CRB3: variants seen among roughly 807,000 people sequenced by gnomAD.
CRB3 encodes crumbs cell polarity complex component 3, also known as protein crumbs homolog 3.
CRB3 carries 4 observed loss-of-function variants against 10.4 expected under a neutral mutation model. That is an observed-to-expected ratio of 0.39 (90% CI 0.19 to 0.88). The LOEUF is 0.88. Among genes scored for constraint, CRB3 ranks in the 40% least tolerant of loss-of-function variants. The pLI is 0.39. For missense variants in CRB3, 154 were observed against 160.2 expected (o/e 0.96, Z 0.21); for synonymous variants, 74 against 73.4 (o/e 1.01, Z -0.04).
upstream of CRB3, chr19:6,463,984 G>A (rs949971248): frequency 6.6e-6 from 1 of 152,180 alleles, no homozygotes; most frequent in African/African-American, 2.4e-5. Flanking sequence ...TAGTGCACGG[G>A]TACATACATA....
Position 6,464,868 on chromosome 19 carries a change from C to T in CRB3, c.82+85C>T. The stretch of plus-strand genomic sequence containing the variant: ...GACGTGGCTTAGAAGCGCTGGGTAT[C>T]TGGGGCGCAGAGAGGGTCAAGAATT... On this transcript the variant is annotated intron_variant, in intron 2 of 3. Coordinates refer to ENST00000600229, the MANE Select transcript of CRB3 (RefSeq NM_139161.5). This position sits in a 1 kb window ranked among gnomAD's most constrained non-coding sequence, Gnocchi z 5.3. 2.6e-6 allele frequency: 2 copies of T among 783,122 alleles called. No homozygotes were observed. Among genetic ancestry groups the T allele is most frequent in the Non-Finnish European group, 3.5e-6 (2 of 576,526 alleles). The allele number at this position is 783,122 out of a possible 1,614,324, so 48.5% of individuals were successfully genotyped here. A position where few individuals can be genotyped will look rare whatever the true frequency, so the allele number is the denominator to read the frequency against.
Position 6,466,581 on chromosome 19 carries a change from G to A in CRB3, c.272G>A (p.Gly91Asp). 1 of 1,609,838 alleles carries A rather than the reference G, an allele frequency of 6.2e-7. No individual in the cohort carries two copies. The highest frequency in any genetic ancestry group is 8.5e-7 in the Non-Finnish European group (1 of 1,180,008). Residue 91 changes from glycine (G) to aspartate (D), a missense_variant, in exon 4 of 4, where the codon GGC (glycine) becomes GAC (aspartate). By Grantham distance (94) the Gly-to-Asp change is moderately conservative. Transcript: ENST00000600229. The surrounding 1 kb of genome is among the most constrained non-coding windows in gnomAD (Gnocchi z 4.9). ...RKLREKRQTEGTYRPSSEEQV... is the reference protein window; with the variant it reads ...RKLREKRQTEDTYRPSSEEQV... ...CTTCGGGAGAAGCGGCAGACGGAGG[G>A]CACCTACCGGCCCAGTAGCGAGGAG...
rs2046979563 is a variant in CRB3, at chr19:6,466,845, G to A, written c.*173G>A. On this transcript the variant is annotated 3_prime_UTR_variant, in exon 4 of 4. Coordinates refer to ENST00000600229, the MANE Select transcript of CRB3 (RefSeq NM_139161.5). This position sits in a 1 kb window ranked among gnomAD's most constrained non-coding sequence, Gnocchi z 4.9. The stretch of plus-strand genomic sequence containing the variant: ...CAGCATGTTGCCTCTGCTTGGCTGT[G>A]CCTGCAGCTCAGGGTGCTGGGGCTC... 1 of 1,561,318 alleles carries A rather than the reference G, an allele frequency of 6.4e-7. No homozygotes were observed. Among genetic ancestry groups the A allele is most frequent in the Admixed American group, 1.8e-5 (1 of 54,438 alleles).
Position 6,466,471 on chromosome 19 carries a change from A to G in CRB3, c.162A>G (p.Pro54=), listed in dbSNP as rs348362. 0.52 allele frequency: 834,175 copies of G among 1,612,838 alleles called. 224,025 individuals are homozygous for G. Among genetic ancestry groups the G allele is most frequent in the African/African-American group, 0.58 (43,548 of 74,924 alleles). Residue 54 remains proline (P), a synonymous_variant, in exon 4 of 4, where the codon CCA becomes CCG. Transcript: ENST00000600229. The surrounding 1 kb of genome is among the most constrained non-coding windows in gnomAD (Gnocchi z 4.9). ...TSSSSDGNLR[P]EAITAIIVVF... ...CACCTGTCCCCTCTCTGCAGCGTCC[A>G]GAAGCCATCACTGCTATCATCGTGG...
At chr19:6,465,060 G>A (rs1459176543) in intron 2 of CRB3, 1 of 342,838 alleles carries the variant, frequency 2.9e-6, no homozygotes. Flanking sequence ...TAGGACTTGG[G>A]GGGAGGTAAG....
intron 3 of CRB3, among the ~76,000 whole-genome samples, chr19:6,465,922 C>T (rs74174383): frequency 0.063 from 9,514 of 152,102 alleles, 439 homozygotes; most frequent in Non-Finnish European, 0.098. Context: ...GAGTCCCGGC[C>T]GGGCGCGGTG....
Position 6,464,443 on chromosome 19 carries a change from G to A in CRB3, c.-95+93G>A. Reference sequence around the variant, plus strand: ...CCGTCCCGTCCCCTTCCTTTCCCCAGCCCAGGAACGCGCTCCTGGGAGTTA... The same window carrying A: ...CCGTCCCGTCCCCTTCCTTTCCCCAACCCAGGAACGCGCTCCTGGGAGTTA... On this transcript the variant is annotated intron_variant, in intron 1 of 3. Coordinates refer to ENST00000600229, the MANE Select transcript of CRB3 (RefSeq NM_139161.5). This position sits in a 1 kb window ranked among gnomAD's most constrained non-coding sequence, Gnocchi z 5.3. 1 of 360,178 alleles carries A rather than the reference G, an allele frequency of 2.8e-6. No individual in the cohort carries two copies. The highest frequency in any genetic ancestry group is 5.0e-6 in the Non-Finnish European group (1 of 201,842). The allele number at this position is 360,178 out of a possible 1,614,324, so 22.3% of individuals were successfully genotyped here.
Position 6,467,056 on chromosome 19 carries a change from T to A in CRB3, c.*384T>A. On this transcript the variant is annotated 3_prime_UTR_variant, in exon 4 of 4. Coordinates refer to ENST00000600229, the MANE Select transcript of CRB3 (RefSeq NM_139161.5). ...TCCTGCATCTGTCTCCCTTCATTGC[T>A]GTGTGACCTTGGGGAAAGGCAGTGC... 3.8e-6 allele frequency: 6 copies of A among 1,593,826 alleles called. No individual in the cohort carries two copies. Among genetic ancestry groups the A allele is most frequent in the Non-Finnish European group, 5.2e-6 (6 of 1,162,722 alleles).
intron 2 of CRB3, chr19:6,465,280 C>G: frequency 6.1e-6 from 3 of 495,226 alleles, no homozygotes; most frequent in East Asian, 3.4e-5. Context: ...GGCCCAGGGC[C>G]GAGAGGTGAG....
intron 2 of CRB3, chr19:6,465,332 G>T: frequency 1.6e-6 from 1 of 613,580 alleles, no homozygotes. Flanking sequence ...TGGGCTCTGC[G>T]GGACTGGGTC....
In CRB3 at chr19:6,464,612, C is replaced by T. The variant is rs2092785726; in HGVS notation, c.-90C>T. On this transcript the variant is annotated 5_prime_UTR_variant, in exon 2 of 4. Coordinates refer to ENST00000600229, the MANE Select transcript of CRB3 (RefSeq NM_139161.5). This position sits in a 1 kb window ranked among gnomAD's most constrained non-coding sequence, Gnocchi z 5.3. ...CTCTCCTTCTCCTGTCCCCAGGTGCCCCGTCGCAGGTGCCCCTGGCCGGAG... is the reference window on the plus strand; with the variant it reads ...CTCTCCTTCTCCTGTCCCCAGGTGCTCCGTCGCAGGTGCCCCTGGCCGGAG... The T allele has an allele frequency of 3.9e-6, 3 of 772,562 alleles. No homozygotes were observed. Among genetic ancestry groups the T allele is most frequent in the Admixed American group, 4.3e-5 (1 of 23,132 alleles). The allele number at this position is 772,562 out of a possible 1,614,324, so 47.9% of individuals were successfully genotyped here. A position where few individuals can be genotyped will look rare whatever the true frequency, so the allele number is the denominator to read the frequency against.
At position 6,464,274 on chromosome 19, in the gene CRB3, G is replaced by A. The variant is rs1267726863; in HGVS notation, c.-171G>A. 6 of 158,944 alleles carry A rather than the reference G, an allele frequency of 3.8e-5. No homozygotes were observed. The highest frequency in any genetic ancestry group is 9.6e-5 in the African/African-American group (4 of 41,730). The allele number at this position is 158,944 out of a possible 1,614,324, so 9.8% of individuals were successfully genotyped here. On this transcript the variant is annotated 5_prime_UTR_variant, in exon 1 of 4. Transcript: ENST00000600229. This position sits in a 1 kb window ranked among gnomAD's most constrained non-coding sequence, Gnocchi z 5.3. ...CGGAGCCGGTGGGGTCGGACCCACA[G>A]AACGACCGACGGACCGAGGGTTCGA...
At chr19:6,465,706 C>G (rs2092790885) in intron 3 of CRB3, 88 bp downstream of exon 3, 2 of 1,163,640 alleles carry the variant, frequency 1.7e-6, no homozygotes. Flanking sequence ...TAGACACCCC[C>G]TCCCCCCAGA....
chr19:6,465,707 TC>T, intron 3 of CRB3, 89 bp downstream of exon 3: 1 of 1,147,500 alleles, frequency 8.7e-7, no homozygotes, highest in Non-Finnish European at 1.3e-6. Context: ...AGACACCCCC[TC>T]CCCCCAGAGG....
rs554717205 is a variant in CRB3 at position 6,467,004 on chromosome 19, G to A, written c.*332G>A. ...CTCAGGACTCCAAGGAGACGGTGCAGGGCTGCCTGCCCATCTAGGTCCCCT... is the reference window on the plus strand; with the variant it reads ...CTCAGGACTCCAAGGAGACGGTGCAAGGCTGCCTGCCCATCTAGGTCCCCT... On this transcript the variant is annotated 3_prime_UTR_variant, in exon 4 of 4. Transcript: ENST00000600229. 10 of 1,613,948 alleles carry A rather than the reference G, an allele frequency of 6.2e-6. No individual in the cohort carries two copies. The South Asian group carries it at 9.9e-5, about 16-fold the overall frequency.
chr19:6,467,207 T>A lies in CRB3; in HGVS notation c.*535T>A. 1 of 531,424 alleles carries A rather than the reference T, an allele frequency of 1.9e-6. No individual in the cohort carries two copies. The highest frequency in any genetic ancestry group is 3.2e-6 in the Non-Finnish European group (1 of 313,940). The allele number at this position is 531,424 out of a possible 1,614,324, so 32.9% of individuals were successfully genotyped here. On this transcript the variant is annotated 3_prime_UTR_variant, in exon 4 of 4. Transcript: ENST00000600229. Reference sequence around the variant, plus strand: ...TTATATATTTATATAAAATTAGTAGTGAGATGTAACAAAAGCTTTATTGGT... The same window carrying A: ...TTATATATTTATATAAAATTAGTAGAGAGATGTAACAAAAGCTTTATTGGT...
In CRB3 at chr19:6,465,451, G is replaced by A. The variant is rs2092789692; in HGVS notation, c.83-94G>A. ...GAGTTTGAATTGGGACCTGCTAGGG[G>A]GAGGTGAAGGGGAATGCCCAAAGCA... On this transcript the variant is annotated intron_variant, in intron 2 of 3. Transcript: ENST00000600229. 8 of 963,428 alleles carry A rather than the reference G, an allele frequency of 8.3e-6. No homozygotes were observed. In the South Asian group the frequency reaches 9.1e-5, roughly 11 times the overall value. The allele number at this position is 963,428 out of a possible 1,614,324, so 59.7% of individuals were successfully genotyped here. A position where few individuals can be genotyped will look rare whatever the true frequency, so the allele number is the denominator to read the frequency against.
In CRB3 at chr19:6,464,650, G is replaced by A. The variant is rs1001386900; in HGVS notation, c.-52G>A. ...CCCCTGGCCGGAGATGCGGTAGGAG[G>A]GGCGAGCGCGAGAAGCCCCTTCCTC... On this transcript the variant is annotated 5_prime_UTR_variant, in exon 2 of 4. Coordinates refer to ENST00000600229, the MANE Select transcript of CRB3 (RefSeq NM_139161.5). This position sits in a 1 kb window ranked among gnomAD's most constrained non-coding sequence, Gnocchi z 5.3. The A allele has an allele frequency of 1.4e-5, 16 of 1,118,054 alleles. No homozygotes were observed. The African/African-American group carries it at 2.6e-4, about 18-fold the overall frequency. The allele number at this position is 1,118,054 out of a possible 1,614,324, so 69.3% of individuals were successfully genotyped here.
In CRB3 at chr19:6,464,401, GCCCGT is replaced by G. The variant is rs576714100; in HGVS notation, c.-95+75_-95+79del. On this transcript the variant is annotated intron_variant, in intron 1 of 3. Transcript: ENST00000600229. This position sits in a 1 kb window ranked among gnomAD's most constrained non-coding sequence, Gnocchi z 5.3. ...GCCTGCCCCCTCGCCCGTCCACCCT[GCCCGT>G]CCCGTCCCGTCCCGTCCCGTCCCCT... 188 of 300,370 alleles carry G rather than the reference GCCCGT, an allele frequency of 6.3e-4. 1 individual carries two copies. The highest frequency in any genetic ancestry group is 1.6e-3 in the Admixed American group (31 of 19,412). The allele number at this position is 300,370 out of a possible 1,614,324, so 18.6% of individuals were successfully genotyped here.
Sources: gnomAD v4.1 joint callset for allele counts (sites outside exome capture counted in the v4.1 genomes callset) on GRCh38, gnomAD v4.1.1 for gene constraint, Gnocchi (gnomAD v3.1) non-coding constraint, MANE v1.5 for transcripts, NCBI Gene and HGNC (gene_info 2026-07-23, HGNC 2026-07-21) for gene names.